Variants in SH3TC1 observed in about 807,000 individuals in gnomAD.
SH3TC1 encodes SH3 domain and tetratricopeptide repeats 1, also known as SH3 domain and tetratricopeptide repeat-containing protein 1.
Under a neutral mutation model 117.3 loss-of-function variants are expected in SH3TC1, and 135 were observed. That is an observed-to-expected ratio of 1.15 (90% CI 1.00 to 1.33). The LOEUF (loss-of-function observed/expected upper bound fraction) is 1.33, where lower values mean the gene tolerates loss of function less well. Among genes scored for constraint, SH3TC1 ranks in the 40% most tolerant of loss-of-function variants. The probability of loss-of-function intolerance (pLI) is 0.00; values close to 1 mark genes in which losing one functional copy is unlikely to be tolerated. For missense variants in SH3TC1, 2,092 were observed against 1,794.3 expected (o/e 1.17, Z -3.00); for synonymous variants, 898 against 816.9 (o/e 1.10, Z -1.69).
chr4:8,195,771 A>T (rs1025665613), upstream of SH3TC1, among the ~76,000 whole-genome samples: 2 of 152,192 alleles, frequency 1.3e-5, no homozygotes, highest in Non-Finnish European at 2.9e-5. Flanking sequence ...AGGTGTGAGC[A>T]GGCTGGAGAA....
chr4:8,222,958 G>A lies in SH3TC1; in HGVS notation c.1231G>A (p.Val411Met), dbSNP rs763247182. The A allele has an allele frequency of 2.2e-5, 35 of 1,611,936 alleles. No homozygotes were observed. The highest frequency in any genetic ancestry group is 1.8e-4 in the East Asian group (8 of 44,868). The change falls in exon 10 of 18, where the codon GTG becomes ATG. Residue 411 changes from valine (V) to methionine (M), a missense_variant. Physicochemically the swap from Val to Met is conservative, Grantham distance 21 (BLOSUM62 1). Coordinates refer to ENST00000245105, the MANE Select transcript of SH3TC1 (RefSeq NM_018986.5). ...GATGTCGGGCACCGATGTCTGCAGCGTGTACAGCCTGGGTGCGTGTGGGCG... is the reference window on the plus strand; with the variant it reads ...GATGTCGGGCACCGATGTCTGCAGCATGTACAGCCTGGGTGCGTGTGGGCG... The part of the protein sequence containing the change: ...RRMSGTDVCS[V>M]YSLDSVEEAE...
chr4:8,216,340 T>G (rs1190231546), intron 6 of SH3TC1, 83 bp downstream of exon 6: 74 of 1,531,696 alleles, frequency 4.8e-5, no homozygotes, highest in Non-Finnish European at 6.4e-5. Context: ...GATCCCGCTG[T>G]GCTGAGCATG....
In SH3TC1 at chr4:8,227,432, C is replaced by A; in HGVS notation, c.1738C>A (p.Arg580=). Reference sequence around the variant, plus strand: ...CAGGAGGCTCAAGCTGTCCCAGGCCCGGGTGTACTTTGAGGAAGCGCTGGG... The same window carrying A: ...CAGGAGGCTCAAGCTGTCCCAGGCCAGGGTGTACTTTGAGGAAGCGCTGGG... The part of the protein sequence containing the change: ...CSRRLKLSQA[R]VYFEEALGAL... Residue 580 remains arginine, a synonymous_variant, in exon 12 of 18, where the codon CGG becomes AGG. Coordinates refer to ENST00000245105, the MANE Select transcript of SH3TC1 (RefSeq NM_018986.5). 1.9e-6 allele frequency: 3 copies of A among 1,557,080 alleles called. No homozygotes were observed. Among genetic ancestry groups the A allele is most frequent in the Non-Finnish European group, 1.7e-6 (2 of 1,155,384 alleles).
chr4:8,237,476 G>A lies in SH3TC1; in HGVS notation c.3559G>A (p.Asp1187Asn), dbSNP rs764186681. 4 of 1,567,774 alleles carry A rather than the reference G, an allele frequency of 2.6e-6. No individual in the cohort carries two copies. In the African/African-American group the frequency reaches 4.1e-5, roughly 16 times the overall value. ...TGCCCCCTTGGCCTGCACCCCAGGG[G>A]ACCGGCTGAACGAGCGCGTGGCCTA... The part of the protein sequence containing the change: ...MALALSITLG[D>N]RLNERVAYHR... Residue 1187 changes from aspartate to asparagine, a missense_variant and splice_region_variant, in exon 17 of 18, where the codon GAC becomes AAC. Physicochemically the swap from Asp to Asn is conservative, Grantham distance 23. Coordinates refer to ENST00000245105, the MANE Select transcript of SH3TC1 (RefSeq NM_018986.5).
rs756415018 is a variant in SH3TC1 at position 8,231,990 on chromosome 4, G to A, written c.2965G>A (p.Val989Ile). Residue 989 changes from valine (V) to isoleucine (I), a missense_variant, in exon 13 of 18, where the codon GTC (valine) becomes ATC (isoleucine). By Grantham distance (29) the Val-to-Ile change is conservative. Coordinates refer to ENST00000245105, the MANE Select transcript of SH3TC1 (RefSeq NM_018986.5). The part of the protein sequence containing the change: ...MGHVESQLRA[V>I]QRLCHFYSAV... ...CTTCTGCCCAGGCCAGCTGCGGGCCGTCCAGCGGCTGTGCCACTTCTACAG... is the reference window on the plus strand; with the variant it reads ...CTTCTGCCCAGGCCAGCTGCGGGCCATCCAGCGGCTGTGCCACTTCTACAG... 77 of 1,611,744 alleles carry A rather than the reference G, an allele frequency of 4.8e-5. No homozygotes were observed. Among genetic ancestry groups the A allele is most frequent in the Middle Eastern group, 1.6e-4 (1 of 6,084 alleles).
chr4:8,219,466 G>A lies in SH3TC1; in HGVS notation c.1048G>A (p.Ala350Thr), dbSNP rs757887780. ...CCTGCCCTGGTGCGTGGGCCGACAC[G>A]CAGCCTCGGGCCGGGTGGGGTTTGT... ...PSLPWCVGRH[A>T]ASGRVGFVRS... Residue 350 changes from alanine (A) to threonine (T), a missense_variant, in exon 9 of 18, where the codon GCA (alanine) becomes ACA (threonine). Physicochemically the swap from Ala to Thr is moderately conservative, Grantham distance 58 (BLOSUM62 0). Coordinates refer to ENST00000245105, the MANE Select transcript of SH3TC1 (RefSeq NM_018986.5). 8.7e-6 allele frequency: 14 copies of A among 1,604,762 alleles called. No individual in the cohort carries two copies. The highest frequency in any genetic ancestry group is 3.4e-5 in the Admixed American group (2 of 59,300).
At chr4:8,238,709 A>ACGCTGCT (rs1256529656) in intron 17 of SH3TC1, among the ~76,000 whole-genome samples, 1 of 152,066 alleles carries the variant, frequency 6.6e-6, no homozygotes, top group Non-Finnish European at 1.5e-5. Context: ...GCCCAGAGGG[A>ACGCTGCT]CGCTGCTCAC....
chr4:8,209,187 A>G lies in SH3TC1; in HGVS notation c.173-561A>G, dbSNP rs373787142. On this transcript the variant is annotated intron_variant, in intron 2 of 17. Transcript: ENST00000245105. This position sits in a 1 kb window ranked among gnomAD's most constrained non-coding sequence, Gnocchi z 5.9. ...TATCCCCACGACCTACGCCTGCATTACCTCATCCAGCAAAGGGGACTTTGC... is the reference window on the plus strand; with the variant it reads ...TATCCCCACGACCTACGCCTGCATTGCCTCATCCAGCAAAGGGGACTTTGC... Among the ~76,000 whole-genome samples, 11 of 152,328 alleles carry G rather than the reference A, an allele frequency of 7.2e-5. No homozygotes were observed. In the East Asian group the frequency reaches 7.7e-4, roughly 11 times the overall value.
rs1041763556 is a variant in SH3TC1 at position 8,183,308 on chromosome 4, C to T, written c.-57+1098C>T. 1.3e-5 allele frequency among the ~76,000 whole-genome samples: 2 copies of T among 152,214 alleles called. No homozygotes were observed. Among genetic ancestry groups the T allele is most frequent in the East Asian group, 1.9e-4 (1 of 5,188 alleles). The stretch of plus-strand genomic sequence containing the variant: ...ACTGGCTGAGGACCACGGCAGGTCA[C>T]GCCTGGGGCTAGGATGCCCTTCCAA... On this transcript the variant is annotated intron_variant, in intron 1 of 16. Coordinates refer to the SH3TC1 transcript ENST00000508641. The surrounding 1 kb of genome is among the most constrained non-coding windows in gnomAD (Gnocchi z 5.4).
chr4:8,223,782 G>A (rs1225396821), intron 10 of SH3TC1, among the ~76,000 whole-genome samples: 3 of 152,056 alleles, frequency 2.0e-5, no homozygotes, highest in Non-Finnish European at 2.9e-5. Flanking sequence ...ACAGGCACGC[G>A]CCACCACACC....
At chr4:8,220,242 C>G (rs10938697) in intron 9 of SH3TC1, among the ~76,000 whole-genome samples, 54,577 of 151,774 alleles carry the variant, frequency 0.36, 10,862 homozygotes, top group East Asian at 0.54. Context: ...CTGGGCCCGA[C>G]CTTGCAGGCC....
intron 14 of SH3TC1, among the ~76,000 whole-genome samples, chr4:8,234,436 ACATT>A (rs1474193639): frequency 3.4e-5 from 5 of 147,696 alleles, no homozygotes; most frequent in South Asian, 2.2e-4. Context: ...ATCCATCCAT[ACATT>A]ATCCACCCAC....
intron 9 of SH3TC1, among the ~76,000 whole-genome samples, chr4:8,221,210 C>T (rs899816923): frequency 2.6e-5 from 4 of 152,158 alleles, no homozygotes; most frequent in African/African-American, 7.2e-5. Flanking sequence ...CACTGGGGGC[C>T]GTGTGAAGTC....
At chr4:8,207,184 G>A (rs973974918) in intron 2 of SH3TC1, among the ~76,000 whole-genome samples, 8 of 152,026 alleles carry the variant, frequency 5.3e-5, no homozygotes, top group African/African-American at 1.9e-4. Context: ...GAAGGATACA[G>A]TTTGGATCTT....
At chr4:8,233,921 ACT>A (rs1271874377) in intron 14 of SH3TC1, among the ~76,000 whole-genome samples, 2 of 130,060 alleles carry the variant, frequency 1.5e-5, no homozygotes, top group Admixed American at 7.8e-5. Flanking sequence ...TCATTCATCC[ACT>A]CTTTTGTCAT....
chr4:8,212,892 G>A, intron 4 of SH3TC1, 64 bp downstream of exon 4: 1 of 1,488,932 alleles, frequency 6.7e-7, no homozygotes. Context: ...GAGGGGCTGA[G>A]GTGCAGTGTC....
chr4:8,202,936 G>C (rs1717935346), intron 1 of SH3TC1, among the ~76,000 whole-genome samples: 1 of 152,204 alleles, frequency 6.6e-6, no homozygotes, highest in South Asian at 2.1e-4. Flanking sequence ...CTGCTCTGCT[G>C]ATGGAGCCCA....
chr4:8,232,684 G>A lies in SH3TC1; in HGVS notation c.3131+528G>A, dbSNP rs558698446. ...CATCCTGACCTGGTGGGGTAACCAT[G>A]GCCCTGGCCACCCCACCCACAGGGC... On this transcript the variant is annotated intron_variant, in intron 13 of 17. Coordinates refer to ENST00000245105, the MANE Select transcript of SH3TC1 (RefSeq NM_018986.5). 1.1e-3 allele frequency: 1,456 copies of A among 1,290,976 alleles called. 29 individuals carry two copies. The South Asian group carries it at 0.015, about 13-fold the overall frequency. The allele number at this position is 1,290,976 out of a possible 1,614,324, so 80.0% of individuals were successfully genotyped here.
upstream of SH3TC1, among the ~76,000 whole-genome samples, chr4:8,196,530 A>G (rs1227837790): frequency 6.6e-6 from 1 of 152,178 alleles, no homozygotes; most frequent in Non-Finnish European, 1.5e-5. This position sits in a 1 kb window ranked among gnomAD's most constrained non-coding sequence, Gnocchi z 4.6. Context: ...GTGGGTGCCC[A>G]GAGTTGCACC....
Sources: gnomAD v4.1 joint callset for allele counts (sites outside exome capture counted in the v4.1 genomes callset) on GRCh38, gnomAD v4.1.1 for gene constraint, Gnocchi (gnomAD v3.1) non-coding constraint, MANE v1.5 for transcripts, NCBI Gene and HGNC (gene_info 2026-07-23, HGNC 2026-07-21) for gene names.